The following ZNF385D variants were observed in gnomAD, a reference collection of about 807,000 sequenced individuals.
The protein encoded by ZNF385D is zinc finger protein 385D, also known as zinc finger protein 659.
ZNF385D carries 15 observed loss-of-function variants against 35.8 expected under a neutral mutation model. The observed-to-expected ratio is 0.42, with a 90% CI of 0.28 to 0.64. The LOEUF (loss-of-function observed/expected upper bound fraction) is 0.64, where lower values mean the gene tolerates loss of function less well. Among genes scored for constraint, ZNF385D ranks in the 30% least tolerant of loss-of-function variants. ZNF385D has a pLI of 0.23. For missense variants in ZNF385D, 474 were observed against 494.6 expected, an observed-to-expected ratio of 0.96 and a Z score of 0.39; for synonymous variants, 212 against 186.8, an observed-to-expected ratio of 1.13 and a Z score of -1.10.
At chr3:22,079,897 T>C (rs910097796) in intron 3 of ZNF385D, among the ~76,000 whole-genome samples, 2 of 151,930 alleles carry the variant, frequency 1.3e-5, no homozygotes, top group African/African-American at 4.8e-5. Flanking sequence ...CAAATATGTG[T>C]GTGTGTGTAT....
At chr3:22,221,949 A>T (rs1261818632) in intron 2 of ZNF385D, among the ~76,000 whole-genome samples, 5 of 152,100 alleles carry the variant, frequency 3.3e-5, no homozygotes, top group Non-Finnish European at 5.9e-5. Flanking sequence ...TAGTTTTCAA[A>T]ACTACTTAAT....
intron 2 of ZNF385D, among the ~76,000 whole-genome samples, chr3:22,323,735 TTAAAA>T (rs1349747899): frequency 6.6e-6 from 1 of 152,172 alleles, no homozygotes; most frequent in Non-Finnish European, 1.5e-5. Flanking sequence ...TATTATGTAC[TTAAAA>T]TAAGCCACGC....
At chr3:22,007,358 T>TA (rs1696275314) in intron 3 of ZNF385D, among the ~76,000 whole-genome samples, 1 of 152,246 alleles carries the variant, frequency 6.6e-6, no homozygotes, top group Non-Finnish European at 1.5e-5. Flanking sequence ...CAGTCTTGCG[T>TA]AAGTCTACCA....
At chr3:21,918,237 T>A (rs747889074) in intron 3 of ZNF385D, among the ~76,000 whole-genome samples, 1 of 152,182 alleles carries the variant, frequency 6.6e-6, no homozygotes, top group African/African-American at 2.4e-5. Flanking sequence ...GCTCAGACAG[T>A]GGATGAGTCT....
At chr3:21,466,037 G>C (rs147038209) in intron 4 of ZNF385D, among the ~76,000 whole-genome samples, 1 of 152,240 alleles carries the variant, frequency 6.6e-6, no homozygotes, top group Non-Finnish European at 1.5e-5. Flanking sequence ...CTACCACCTG[G>C]AATGCACCCG....
chr3:22,174,704 A>G (rs942016439), intron 2 of ZNF385D, among the ~76,000 whole-genome samples: 1 of 152,148 alleles, frequency 6.6e-6, no homozygotes, highest in Non-Finnish European at 1.5e-5. Flanking sequence ...AAATAAAATA[A>G]AAATCTAATC....
chr3:21,572,597 C>T lies in ZNF385D; in HGVS notation c.166-7913G>A, dbSNP rs571145658. ...CCTACATATAAAAACAGAGTTTCCC[C>T]GGGCCCTTGGGTTTTCATTTCTGTT... On this transcript the variant is annotated intron_variant, in intron 2 of 7. Coordinates refer to ENST00000281523, the MANE Select transcript of ZNF385D (RefSeq NM_024697.3). Among the ~76,000 whole-genome samples, 5 of 152,226 alleles carry T rather than the reference C, an allele frequency of 3.3e-5. No homozygotes were observed. The South Asian group carries it at 6.2e-4, about 19-fold the overall frequency.
At chr3:22,248,871 T>C (rs1699924457) in intron 2 of ZNF385D, among the ~76,000 whole-genome samples, 1 of 152,172 alleles carries the variant, frequency 6.6e-6, no homozygotes, top group Non-Finnish European at 1.5e-5. Context: ...GTAATATAAA[T>C]TCATGAAGCC....
intron 3 of ZNF385D, among the ~76,000 whole-genome samples, chr3:21,517,069 G>A (rs1707615678): frequency 9.5e-6 from 1 of 105,142 alleles, no homozygotes; most frequent in African/African-American, 3.1e-5. Flanking sequence ...AATGATTACA[G>A]GAAAAAAAGC....
At chr3:22,220,714 CTCAT>C (rs1215826065) in intron 2 of ZNF385D, among the ~76,000 whole-genome samples, 1 of 152,152 alleles carries the variant, frequency 6.6e-6, no homozygotes, top group Non-Finnish European at 1.5e-5. Context: ...CTCTTATAGA[CTCAT>C]TCAATGTTAC....
chr3:21,469,254 G>A (rs112806030), intron 4 of ZNF385D, among the ~76,000 whole-genome samples: 2,862 of 152,230 alleles, frequency 0.019, 45 homozygotes, highest in South Asian at 0.047. Context: ...AACATGAGAG[G>A]AGGCCACAGA....
rs1021477903 is a variant in ZNF385D, at chr3:21,979,533, G to C, written c.325+189284C>G. ...GGGCTAGTTTTTTACAAAATATGTG[G>C]ATTTACAGTTTCATATAAATAGAGC... On this transcript the variant is annotated intron_variant, in intron 3 of 5. Transcript: ENST00000494108. The C allele has an allele frequency of 2.0e-5, 3 of 152,124 alleles. No homozygotes were observed. In the South Asian group the frequency reaches 6.2e-4, roughly 31 times the overall value. The allele number at this position is 152,124 out of a possible 1,614,324, so 9.4% of individuals were successfully genotyped here.
intron 3 of ZNF385D, among the ~76,000 whole-genome samples, chr3:21,774,508 T>G (rs1395017290): frequency 1.3e-5 from 2 of 151,870 alleles, no homozygotes; most frequent in Non-Finnish European, 2.9e-5. Flanking sequence ...AATGGGATGC[T>G]CTGATGGAAA....
intron 3 of ZNF385D, among the ~76,000 whole-genome samples, chr3:21,522,807 A>G (rs1707995839): frequency 6.6e-6 from 1 of 152,034 alleles, no homozygotes; most frequent in Admixed American, 6.5e-5. Flanking sequence ...TTCCTATTGC[A>G]TTAAGAAAAA....
intron 2 of ZNF385D, among the ~76,000 whole-genome samples, chr3:21,577,278 G>T (rs932286016): frequency 6.6e-6 from 1 of 151,994 alleles, no homozygotes; most frequent in Non-Finnish European, 1.5e-5. Flanking sequence ...TCTGTGTCTG[G>T]CTTATTTCAC....
intron 3 of ZNF385D, among the ~76,000 whole-genome samples, chr3:21,899,186 G>C (rs74939131): frequency 0.053 from 8,036 of 151,978 alleles, 275 homozygotes; most frequent in East Asian, 0.082. Context: ...GTTACTGTAC[G>C]TGCTACAATG....
chr3:22,116,504 G>A (rs1158740709), intron 3 of ZNF385D, among the ~76,000 whole-genome samples: 1 of 152,058 alleles, frequency 6.6e-6, no homozygotes, highest in Non-Finnish European at 1.5e-5. Flanking sequence ...ATAAAATGTA[G>A]TAAAAGTGGG....
intron 2 of ZNF385D, among the ~76,000 whole-genome samples, chr3:22,351,397 G>C (rs1286858552): frequency 2.0e-5 from 3 of 151,900 alleles, no homozygotes; most frequent in African/African-American, 7.3e-5. Context: ...TTTATACAAA[G>C]ACAAGGGATA....
At chr3:21,635,071 C>T (rs940641338) in intron 2 of ZNF385D, among the ~76,000 whole-genome samples, 11 of 152,144 alleles carry the variant, frequency 7.2e-5, no homozygotes, top group Middle Eastern at 3.4e-3. Context: ...CCATAGACCA[C>T]GTACATATAT....
Sources: allele counts gnomAD v4.1 joint callset (sites outside exome capture counted in the v4.1 genomes callset), GRCh38; gene constraint gnomAD v4.1.1; transcripts MANE v1.5; gene names NCBI Gene and HGNC (gene_info 2026-07-23, HGNC 2026-07-21).